The following ZNF638 variants were observed in gnomAD, a reference collection of about 807,000 sequenced individuals.
ZNF638 encodes the protein zinc finger protein 638.
A neutral mutation model predicts 195.6 loss-of-function variants in ZNF638; 46 were observed. That is an observed-to-expected ratio of 0.24 (90% confidence interval 0.19 to 0.30). The LOEUF (loss-of-function observed/expected upper bound fraction) is 0.30. ZNF638 is among the 10% of genes least tolerant of loss of function. ZNF638 has a pLI of 1.00. For missense variants in ZNF638, 2,440 were observed against 2,325.3 expected, an observed-to-expected ratio of 1.05 and a Z score of -1.01; for synonymous variants, 845 against 772.0, an observed-to-expected ratio of 1.09 and a Z score of -1.57.
intron 8 of ZNF638, among the ~76,000 whole-genome samples, chr2:71,371,233 C>T (rs1244884181): frequency 6.6e-6 from 1 of 152,060 alleles, no homozygotes; most frequent in African/African-American, 2.4e-5. Context: ...TTTTCTTTAT[C>T]TATTCATGTG....
intron 8 of ZNF638, among the ~76,000 whole-genome samples, chr2:71,371,337 T>C (rs2079309116): frequency 6.6e-6 from 1 of 152,168 alleles, no homozygotes; most frequent in African/African-American, 2.4e-5. Context: ...TATACTGATT[T>C]CTTTTCTTTT....
chr2:71,418,873 C>G lies in ZNF638; in HGVS notation c.3299+234C>G, dbSNP rs112295416. On this transcript the variant is annotated intron_variant, in intron 21 of 27. Coordinates refer to ENST00000264447, the MANE Select transcript of ZNF638 (RefSeq NM_014497.5). The stretch of plus-strand genomic sequence containing the variant: ...ATTTACTGAATATTTAGAGTAACTG[C>G]GTATATAAACAGTTTGAATTAAATA... 3.9e-5 allele frequency among the ~76,000 whole-genome samples: 6 copies of G among 152,012 alleles called. No homozygotes were observed. The South Asian group carries it at 8.3e-4, about 21-fold the overall frequency.
chr2:71,372,785 A>AT (rs2079337869), intron 8 of ZNF638, among the ~76,000 whole-genome samples: 1 of 152,206 alleles, frequency 6.6e-6, no homozygotes, highest in Middle Eastern at 3.2e-3. Flanking sequence ...TGGCTACTTT[A>AT]TAGAGGTTCT....
At chr2:71,409,756 C>T (rs2080174869) in intron 20 of ZNF638, among the ~76,000 whole-genome samples, 1 of 152,106 alleles carries the variant, frequency 6.6e-6, no homozygotes, top group African/African-American at 2.4e-5. Context: ...CCTTTCAGAG[C>T]TATTCTTGTG....
In ZNF638 at chr2:71,433,158, C is replaced by T. The variant is rs2080701821; in HGVS notation, c.5753-7C>T. 1.3e-6 allele frequency: 2 copies of T among 1,545,034 alleles called. No homozygotes were observed. Among genetic ancestry groups the T allele is most frequent in the Non-Finnish European group, 8.9e-7 (1 of 1,117,984 alleles). On this transcript the variant is annotated splice_region_variant and splice_polypyrimidine_tract_variant and intron_variant, in intron 26 of 27. Transcript: ENST00000264447. ...TAATTTTCTTCTTGTCTCTTCTTAT[C>T]CTCTAGAATTAGACTTTCTTGTACC...
intron 3 of ZNF638, among the ~76,000 whole-genome samples, chr2:71,357,277 T>C (rs2670704): frequency 0.099 from 15,006 of 152,196 alleles, 801 homozygotes; most frequent in Non-Finnish European, 0.12. Flanking sequence ...CCATCTCGGT[T>C]TGTGTCATAT....
At chr2:71,397,147 T>C (rs567959498) in intron 11 of ZNF638, among the ~76,000 whole-genome samples, 26 of 152,310 alleles carry the variant, frequency 1.7e-4, no homozygotes, top group Non-Finnish European at 3.4e-4. Context: ...TTGATGTTAC[T>C]TTGATACCAA....
At chr2:71,351,552 A>G (rs2078940854) in intron 2 of ZNF638, among the ~76,000 whole-genome samples, 1 of 152,126 alleles carries the variant, frequency 6.6e-6, no homozygotes, top group Non-Finnish European at 1.5e-5. Context: ...ATACCACATA[A>G]TTTTTTTTAA....
At chr2:71,421,488 A>T (rs2080432237) in intron 21 of ZNF638, among the ~76,000 whole-genome samples, 1 of 152,134 alleles carries the variant, frequency 6.6e-6, no homozygotes, top group African/African-American at 2.4e-5. Flanking sequence ...CTCAGGATGT[A>T]ATCTTTGGGG....
intron 25 of ZNF638, among the ~76,000 whole-genome samples, chr2:71,429,931 A>G (rs1289361988): frequency 6.6e-6 from 1 of 152,158 alleles, no homozygotes; most frequent in African/African-American, 2.4e-5. Flanking sequence ...ACCAAGCTAT[A>G]GGTGGTGGTT....
At chr2:71,355,667 T>C in intron 2 of ZNF638, 52 bp from the exon 3 acceptor site, 3 of 1,169,444 alleles carry the variant, frequency 2.6e-6, no homozygotes, top group Non-Finnish European at 1.2e-6. Context: ...CCTAATTCAT[T>C]AGTCAACATG....
At chr2:71,433,399 A>T in intron 27 of ZNF638, 116 bp downstream of exon 27, 4 of 735,826 alleles carry the variant, frequency 5.4e-6, no homozygotes, top group Non-Finnish European at 9.1e-6. Flanking sequence ...ATGCCAGTTT[A>T]TTCCTCTTAA....
At chr2:71,424,548 G>C (rs1221297944) in intron 22 of ZNF638, 102 bp from the exon 23 acceptor site, 1 of 872,650 alleles carries the variant, frequency 1.1e-6, no homozygotes, top group Non-Finnish European at 1.8e-6. Flanking sequence ...ACTGTATTTG[G>C]GTAATGTTTA....
Position 71,424,016 on chromosome 2 carries a change from A to T in ZNF638, c.4502A>T (p.Lys1501Ile). 1 of 1,613,876 alleles carries T rather than the reference A, an allele frequency of 6.2e-7. No individual in the cohort carries two copies. The highest frequency in any genetic ancestry group is 8.5e-7 in the Non-Finnish European group (1 of 1,179,830). ...QETEARPSIM[K>I]RDDSNNKTLA... ...ACAGAGGCTAGACCTTCCATCATGA[A>T]ACGGGATGACAGCAACAATAAGGTG... The change falls in exon 22 of 28, where the codon AAA (lysine) becomes ATA (isoleucine). Residue 1501 changes from lysine to isoleucine, a missense_variant. Coordinates refer to ENST00000264447, the MANE Select transcript of ZNF638 (RefSeq NM_014497.5).
intron 11 of ZNF638, among the ~76,000 whole-genome samples, chr2:71,396,537 T>C (rs1185115963): frequency 6.6e-6 from 1 of 152,230 alleles, no homozygotes; most frequent in African/African-American, 2.4e-5. Flanking sequence ...TTTAGGTAAT[T>C]ATTAAGTTTT....
At position 71,433,267 on chromosome 2, in the gene ZNF638, A is replaced by G. The variant is rs1173664594; in HGVS notation, c.5855A>G (p.His1952Arg). 1 of 1,611,712 alleles carries G rather than the reference A, an allele frequency of 6.2e-7. No individual in the cohort carries two copies. Among genetic ancestry groups the G allele is most frequent in the Non-Finnish European group, 8.5e-7 (1 of 1,178,124 alleles). Residue 1952 changes from histidine to arginine, a missense_variant, in exon 27 of 28, where the codon CAT (histidine) becomes CGT (arginine). Around this residue, in one of 5 missense-constraint regions of ZNF638, gnomAD observed 1,883 missense variants for 1,739.1 expected, o/e 1.08. Coordinates refer to ENST00000264447, the MANE Select transcript of ZNF638 (RefSeq NM_014497.5). ...AMTNHCKSTR[H>R]KQNTEKFMAK... is the part of the protein sequence containing the mutation. ...ACAAATCACTGCAAGAGTACACGTC[A>G]TAAGCAAAATACTGAGGTAATTTTA...
chr2:71,387,906 A>G (rs1279822000), intron 10 of ZNF638, among the ~76,000 whole-genome samples: 2 of 152,212 alleles, frequency 1.3e-5, no homozygotes, highest in Non-Finnish European at 2.9e-5. Flanking sequence ...TCTAATAAAA[A>G]ATAAGAAGCC....
chr2:71,419,974 C>CCCCCCCCTCCTTTTTTT (rs1189202093), intron 21 of ZNF638, among the ~76,000 whole-genome samples: 1 of 27,022 alleles, frequency 3.7e-5, no homozygotes, highest in Admixed American at 7.5e-4. Context: ...CCCCCCCCGC[C>CCCCCCCCTCCTTTTTTT]TTTTTTTTTT....
chr2:71,431,624 G>A lies in ZNF638; in HGVS notation c.5752+196G>A, dbSNP rs559438524. ...AGGTACAAAAAATTAGCCGGACGTG[G>A]TGGCGGGCGCCTGTAGTCCAAGCTA... On this transcript the variant is annotated intron_variant, in intron 26 of 27. Transcript: ENST00000264447. Among the ~76,000 whole-genome samples, 25 of 152,286 alleles carry A rather than the reference G, an allele frequency of 1.6e-4. 1 individual carries two copies. Among genetic ancestry groups the A allele is most frequent in the South Asian group, 8.3e-4 (4 of 4,828 alleles).
Sources: gnomAD v4.1 joint callset for allele counts (sites outside exome capture counted in the v4.1 genomes callset) on GRCh38, gnomAD v4.1.1 for gene constraint, gnomAD v4.1.1 regional missense constraint, MANE v1.5 for transcripts, NCBI Gene and HGNC (gene_info 2026-07-23, HGNC 2026-07-21) for gene names.